Variants in SHC3 observed in about 807,000 individuals in gnomAD.
The protein encoded by SHC3 is SHC adaptor protein 3, also known as SHC-transforming protein 3.
In SHC3, 15 loss-of-function variants were observed where a neutral mutation model predicts 60.4. The observed-to-expected ratio is 0.25, with a 90% CI of 0.17 to 0.38. The LOEUF (loss-of-function observed/expected upper bound fraction) is 0.38, where lower values mean the gene tolerates loss of function less well. Ranked by LOEUF, SHC3 falls within the 10% of genes least tolerant of loss-of-function variation. The probability of loss-of-function intolerance (pLI) is 1.00; values close to 1 mark genes in which losing one functional copy is unlikely to be tolerated. For synonymous variants in SHC3, 294 were observed against 325.9 expected, an observed-to-expected ratio of 0.90 and a Z score of 1.05; for missense variants, 677 against 786.1, an observed-to-expected ratio of 0.86 and a Z score of 1.66.
At chr9:89,092,662 C>T (rs1418942541) in intron 2 of SHC3, among the ~76,000 whole-genome samples, 2 of 148,038 alleles carry the variant, frequency 1.4e-5, no homozygotes, top group Non-Finnish European at 3.0e-5. Flanking sequence ...CCCCAATCTA[C>T]TGATCCATTC....
chr9:89,075,208 G>A lies in SHC3; in HGVS notation c.630C>T (p.Ser210=), dbSNP rs145185311. 7.4e-6 allele frequency: 12 copies of A among 1,613,682 alleles called. No homozygotes were observed. Among genetic ancestry groups the A allele is most frequent in the Non-Finnish European group, 1.0e-5 (12 of 1,179,876 alleles). ...KKRKPPSKML[S]SILGKSNLQF... Reference sequence around the variant, plus strand: ...GGAGGTTGCTCTTTCCCAAGATGCTGGACAGCATTTTGCTTGGAGGCTGTG... The same window carrying A: ...GGAGGTTGCTCTTTCCCAAGATGCTAGACAGCATTTTGCTTGGAGGCTGTG... Residue 210 remains serine, a synonymous_variant, in exon 4 of 12, where the codon TCC becomes TCT. Transcript: ENST00000375835.
Position 89,046,857 on chromosome 9 carries a change from G to A in SHC3, c.1100C>T (p.Pro367Leu), listed in dbSNP as rs541828066. 1.2e-6 allele frequency: 2 copies of A among 1,601,032 alleles called. No individual in the cohort carries two copies. Among genetic ancestry groups the A allele is most frequent in the East Asian group, 4.5e-5 (2 of 44,500 alleles). The change falls in exon 8 of 12, where the codon CCT becomes CTT. Residue 367 changes from proline to leucine, a missense_variant. By Grantham distance (98) the Pro-to-Leu change is moderately conservative. Transcript: ENST00000375835. ...TATAAGACTTACCTGGGCTGTGTCA[G>A]GAGCATGGGGTCTGGGTTTCAGTCT... ...DTRLKPRPHA[P>L]DTAQFAGKEQ...
At chr9:89,071,596 C>T (rs192501820) in intron 4 of SHC3, among the ~76,000 whole-genome samples, 18 of 152,258 alleles carry the variant, frequency 1.2e-4, no homozygotes, top group East Asian at 3.9e-4. Context: ...CGATCTAACA[C>T]GGGGGCGTAT....
At chr9:89,109,968 A>G (rs1240232628) in intron 2 of SHC3, 9 of 985,312 alleles carry the variant, frequency 9.1e-6, no homozygotes, top group Non-Finnish European at 1.1e-5. Flanking sequence ...CCTATGCCTC[A>G]TTGTTTTATT....
chr9:89,176,426 C>A (rs975635831), intron 1 of SHC3, among the ~76,000 whole-genome samples: 5 of 152,168 alleles, frequency 3.3e-5, no homozygotes, highest in African/African-American at 1.2e-4. Context: ...TGAGAATTCT[C>A]CCTCAATTTG....
chr9:89,132,176 A>C (rs868004966), intron 1 of SHC3, among the ~76,000 whole-genome samples: 3 of 152,192 alleles, frequency 2.0e-5, no homozygotes, highest in South Asian at 2.1e-4. Context: ...CAAAGAGAAT[A>C]AAATACCTAG....
At chr9:89,075,700 C>T (rs536742818) in intron 3 of SHC3, among the ~76,000 whole-genome samples, 5 of 152,302 alleles carry the variant, frequency 3.3e-5, no homozygotes, top group African/African-American at 9.6e-5. Context: ...CAAGGATGTT[C>T]GCGGCCGAAG....
chr9:89,142,420 G>A (rs1427840424), intron 1 of SHC3, among the ~76,000 whole-genome samples: 1 of 151,662 alleles, frequency 6.6e-6, no homozygotes, highest in Non-Finnish European at 1.5e-5. Flanking sequence ...AATTAGCCAG[G>A]TGTGGTGGTG....
intron 9 of SHC3, among the ~76,000 whole-genome samples, chr9:89,043,991 A>G (rs1427100668): frequency 6.6e-6 from 1 of 152,174 alleles, no homozygotes; most frequent in African/African-American, 2.4e-5. Flanking sequence ...AAATTTATTG[A>G]GAGCTCTGAG....
intron 6 of SHC3, among the ~76,000 whole-genome samples, chr9:89,056,631 G>A (rs1824955430): frequency 1.3e-5 from 2 of 152,242 alleles, no homozygotes; most frequent in Non-Finnish European, 2.9e-5. Flanking sequence ...ACACAGCTGA[G>A]AACCCACTTT....
intron 11 of SHC3, among the ~76,000 whole-genome samples, chr9:89,022,288 G>T (rs1269439243): frequency 1.3e-5 from 2 of 152,052 alleles, no homozygotes; most frequent in Non-Finnish European, 2.9e-5. Flanking sequence ...AGGGAGGGTT[G>T]GGGGAGGGGG....
intron 1 of SHC3, among the ~76,000 whole-genome samples, chr9:89,165,390 C>T (rs534913261): frequency 2.0e-5 from 3 of 152,110 alleles, no homozygotes; most frequent in African/African-American, 7.2e-5. Flanking sequence ...GAAACTTTCA[C>T]TTTTCACCCC....
At chr9:89,033,421 T>G (rs1475162951) in intron 11 of SHC3, among the ~76,000 whole-genome samples, 1 of 152,212 alleles carries the variant, frequency 6.6e-6, no homozygotes, top group Non-Finnish European at 1.5e-5. Flanking sequence ...CTCCCCTATT[T>G]TCTTTTAGAT....
intron 2 of SHC3, among the ~76,000 whole-genome samples, chr9:89,110,854 C>T (rs1457072320): frequency 6.6e-6 from 1 of 152,170 alleles, no homozygotes; most frequent in Non-Finnish European, 1.5e-5. Flanking sequence ...TCAAAACCTC[C>T]AAACCCATCA....
intron 1 of SHC3, among the ~76,000 whole-genome samples, chr9:89,144,132 T>C (rs1587751499): frequency 6.6e-6 from 1 of 152,294 alleles, no homozygotes; most frequent in South Asian, 2.1e-4. Context: ...CATAATAAAA[T>C]ATGTGTGCAT....
At chr9:89,100,620 C>A (rs941601519) in intron 2 of SHC3, among the ~76,000 whole-genome samples, 3 of 152,168 alleles carry the variant, frequency 2.0e-5, no homozygotes, top group African/African-American at 7.2e-5. Context: ...TTTCTCCATG[C>A]CCCTTTTGTA....
chr9:89,145,219 G>T (rs547109311), intron 1 of SHC3, among the ~76,000 whole-genome samples: 1 of 152,302 alleles, frequency 6.6e-6, no homozygotes, highest in South Asian at 2.1e-4. Flanking sequence ...AATCAGGATA[G>T]GACTGAATAG....
intron 3 of SHC3, among the ~76,000 whole-genome samples, chr9:89,075,707 G>A (rs186123495): frequency 2.0e-5 from 3 of 152,298 alleles, no homozygotes; most frequent in African/African-American, 7.2e-5. Flanking sequence ...GTTCGCGGCC[G>A]AAGGGAATGG....
Position 89,140,148 on chromosome 9 carries a change from A to C in SHC3, c.475-27522T>G, listed in dbSNP as rs1590964. The stretch of plus-strand genomic sequence containing the variant: ...GCAGTCATTGTTTTTAAACCAATGA[A>C]AGCTTCTTTTTTATATCACAAACAC... On this transcript the variant is annotated intron_variant, in intron 1 of 11. Coordinates refer to ENST00000375835, the MANE Select transcript of SHC3 (RefSeq NM_016848.6). 0.047 allele frequency among the ~76,000 whole-genome samples: 7,126 copies of C among 152,286 alleles called. 1,010 individuals carry two copies. In the East Asian group the frequency reaches 0.47, roughly 10 times the overall value.
Sources: allele counts gnomAD v4.1 joint callset (sites outside exome capture counted in the v4.1 genomes callset), GRCh38; gene constraint gnomAD v4.1.1; transcripts MANE v1.5; gene names NCBI Gene and HGNC (gene_info 2026-07-23, HGNC 2026-07-21).